The following SLC4A10 variants were observed in gnomAD, a reference collection of about 807,000 sequenced individuals.
SLC4A10 encodes the protein sodium-driven chloride bicarbonate exchanger.
Under a neutral mutation model 137.7 loss-of-function variants are expected in SLC4A10, and 42 were observed. The ratio of observed to expected loss-of-function variants is 0.30; its 90% CI spans 0.24 to 0.39. The LOEUF (loss-of-function observed/expected upper bound fraction) is 0.39. Ranked by LOEUF, SLC4A10 falls within the 10% of genes least tolerant of loss-of-function variation. SLC4A10 has a pLI of 1.00. For synonymous variants in SLC4A10, 474 were observed against 464.1 expected (o/e 1.02, Z -0.27); for missense variants, 925 against 1,355.0 (o/e 0.68, Z 4.98).
At chr2:161,699,196 T>C (rs1249480166) in intron 1 of SLC4A10, among the ~76,000 whole-genome samples, 30 of 151,974 alleles carry the variant, frequency 2.0e-4, no homozygotes, top group Admixed American at 2.0e-3. Flanking sequence ...TTTTTTGTAT[T>C]TTTTTAGTAG....
chr2:161,878,352 G>C (rs2061559594), intron 8 of SLC4A10, among the ~76,000 whole-genome samples: 1 of 152,048 alleles, frequency 6.6e-6, no homozygotes, highest in African/African-American at 2.4e-5. Flanking sequence ...CTTTCACTGA[G>C]GCCCTATGCA....
intron 3 of SLC4A10, among the ~76,000 whole-genome samples, chr2:161,829,092 TA>T (rs1304133703): frequency 3.9e-5 from 6 of 151,952 alleles, no homozygotes; most frequent in African/African-American, 1.5e-4. Context: ...TGGCCTGACT[TA>T]ATCCCACCTC....
chr2:161,879,384 C>A, intron 9 of SLC4A10, 96 bp downstream of exon 9: 1 of 1,286,652 alleles, frequency 7.8e-7, no homozygotes, highest in South Asian at 1.6e-5. Context: ...AGAGTTTTGA[C>A]TAGAAACTAA....
At chr2:161,931,631 A>G (rs1360959182) in intron 15 of SLC4A10, among the ~76,000 whole-genome samples, 1 of 152,220 alleles carries the variant, frequency 6.6e-6, no homozygotes, top group Non-Finnish European at 1.5e-5. Flanking sequence ...TGGAGCTTTA[A>G]AAAAATTAAT....
At chr2:161,898,856 A>T (rs1414024860) in intron 11 of SLC4A10, among the ~76,000 whole-genome samples, 1 of 152,112 alleles carries the variant, frequency 6.6e-6, no homozygotes, top group Non-Finnish European at 1.5e-5. Context: ...TCATGACCAC[A>T]TACCTCAAGT....
At chr2:161,807,080 G>T (rs1337617638) in intron 3 of SLC4A10, among the ~76,000 whole-genome samples, 1 of 152,066 alleles carries the variant, frequency 6.6e-6, no homozygotes, top group Non-Finnish European at 1.5e-5. Flanking sequence ...GAGACCTTGT[G>T]CAGGAAAACT....
intron 1 of SLC4A10, among the ~76,000 whole-genome samples, chr2:161,660,962 G>C (rs914452714): frequency 6.6e-6 from 1 of 151,682 alleles, no homozygotes; most frequent in African/African-American, 2.4e-5. Context: ...ACCCAGCCAT[G>C]TATGCATTTT....
At chr2:161,732,998 G>A (rs1224888412) in intron 1 of SLC4A10, among the ~76,000 whole-genome samples, 3 of 152,184 alleles carry the variant, frequency 2.0e-5, no homozygotes, top group South Asian at 2.1e-4. Context: ...CATTCAAAAG[G>A]TGACTTGGGT....
chr2:161,735,395 T>C (rs1414585971), intron 1 of SLC4A10, among the ~76,000 whole-genome samples: 2 of 152,084 alleles, frequency 1.3e-5, no homozygotes, highest in African/African-American at 2.4e-5. Context: ...TTATTTTTGA[T>C]AATTAATGTT....
intron 12 of SLC4A10, among the ~76,000 whole-genome samples, chr2:161,902,565 T>TTC (rs1683361269): frequency 6.6e-6 from 1 of 152,174 alleles, no homozygotes; most frequent in Non-Finnish European, 1.5e-5. Context: ...CTCTGCAAGC[T>TTC]TCTCTGAGTT....
At position 161,901,015 on chromosome 2, in the gene SLC4A10, A is replaced by G; in HGVS notation, c.1442+4A>G. On this transcript the variant is annotated splice_donor_region_variant and intron_variant, in intron 12 of 26. Coordinates refer to ENST00000446997, the MANE Select transcript of SLC4A10 (RefSeq NM_001178015.2). ...CTGAACTCCAGCGAACTGGAAGGTT[A>G]GTGAAAATCACTTCTATGGGACTTC... The G allele has an allele frequency of 6.4e-7, 1 of 1,554,046 alleles. No homozygotes were observed. The highest frequency in any genetic ancestry group is 8.7e-7 in the Non-Finnish European group (1 of 1,146,770).
At chr2:161,703,050 A>G (rs547911008) in intron 1 of SLC4A10, among the ~76,000 whole-genome samples, 2 of 151,816 alleles carry the variant, frequency 1.3e-5, no homozygotes, top group Non-Finnish European at 3.0e-5. Context: ...CAAGACAATG[A>G]GTAAACATGA....
intron 16 of SLC4A10, among the ~76,000 whole-genome samples, chr2:161,947,097 C>A (rs578026613): frequency 6.6e-6 from 1 of 152,192 alleles, no homozygotes; most frequent in South Asian, 2.1e-4. Context: ...TTATTTAACC[C>A]CTTTATGCTT....
chr2:161,804,619 TA>T (rs1295558716), intron 3 of SLC4A10, 24 bp downstream of exon 3: 2 of 1,580,250 alleles, frequency 1.3e-6, no homozygotes, highest in Admixed American at 3.6e-5. Flanking sequence ...TCCTTGTTTT[TA>T]TTAAGTTAAT....
At chr2:161,880,596 A>G (rs1575424426) in intron 9 of SLC4A10, among the ~76,000 whole-genome samples, 1 of 152,254 alleles carries the variant, frequency 6.6e-6, no homozygotes, top group African/African-American at 2.4e-5. Flanking sequence ...TTTTATGTAC[A>G]AAGGGAAAGG....
At chr2:161,752,046 C>A (rs1224202998) in intron 1 of SLC4A10, among the ~76,000 whole-genome samples, 1 of 151,838 alleles carries the variant, frequency 6.6e-6, no homozygotes, top group Admixed American at 6.6e-5. Flanking sequence ...AAAGTGGAAA[C>A]CTTTTTTGCT....
chr2:161,880,923 G>T (rs1326289731), intron 9 of SLC4A10, among the ~76,000 whole-genome samples: 3 of 151,972 alleles, frequency 2.0e-5, no homozygotes, highest in African/African-American at 7.2e-5. Context: ...GCCGTGATGG[G>T]GTTATATACC....
At chr2:161,864,640 T>G (rs1025356376) in intron 6 of SLC4A10, among the ~76,000 whole-genome samples, 1 of 152,162 alleles carries the variant, frequency 6.6e-6, no homozygotes, top group African/African-American at 2.4e-5. Flanking sequence ...TTCAATAAAA[T>G]TATTATGAAT....
At chr2:161,912,886 G>C (rs1686189148) in intron 15 of SLC4A10, among the ~76,000 whole-genome samples, 1 of 151,308 alleles carries the variant, frequency 6.6e-6, no homozygotes, top group Admixed American at 6.6e-5. Flanking sequence ...AAGTCCTAGA[G>C]ATATTCTAAG....
Sources: allele counts gnomAD v4.1 joint callset (sites outside exome capture counted in the v4.1 genomes callset), GRCh38; gene constraint gnomAD v4.1.1; transcripts MANE v1.5; gene names NCBI Gene and HGNC (gene_info 2026-07-23, HGNC 2026-07-21).